The following EHD4 variants were observed in gnomAD, a reference collection of about 807,000 sequenced individuals.
EHD4 encodes EH domain-containing protein 4.
In EHD4, 37 loss-of-function variants were observed where a neutral mutation model predicts 51.0. The ratio of observed to expected loss-of-function variants is 0.73; its 90% CI spans 0.56 to 0.95. The LOEUF is 0.95. Ranked by LOEUF, EHD4 falls within the 40% of genes least tolerant of loss-of-function variation. EHD4 has a pLI of 0.00. For missense variants in EHD4, 632 were observed against 733.1 expected (o/e 0.86, Z 1.59); for synonymous variants, 297 against 317.3 (o/e 0.94, Z 0.68).
chr15:41,906,941 C>T (rs1454959598), intron 5 of EHD4, among the ~76,000 whole-genome samples: 1 of 152,196 alleles, frequency 6.6e-6, no homozygotes, highest in Non-Finnish European at 1.5e-5. Flanking sequence ...CTCCTTGTAC[C>T]CTCCATCTCA....
chr15:41,953,676 T>C, intron 2 of EHD4, 88 bp downstream of exon 2: 1 of 1,388,760 alleles, frequency 7.2e-7, no homozygotes. Flanking sequence ...TTTGTTCTTC[T>C]GTTTTTGAAC....
At chr15:41,949,424 G>T (rs2067838924) in intron 2 of EHD4, among the ~76,000 whole-genome samples, 1 of 152,044 alleles carries the variant, frequency 6.6e-6, no homozygotes. Flanking sequence ...ACTGAGTGAA[G>T]CCTCGCTTAA....
chr15:41,966,221 C>G (rs184146297), intron 1 of EHD4, among the ~76,000 whole-genome samples: 8 of 152,172 alleles, frequency 5.3e-5, no homozygotes, highest in African/African-American at 1.9e-4. Flanking sequence ...CCTCAACCCG[C>G]GCCATCTGGC....
chr15:41,936,690 G>A (rs1251021100), intron 3 of EHD4, among the ~76,000 whole-genome samples: 1 of 152,150 alleles, frequency 6.6e-6, no homozygotes, highest in African/African-American at 2.4e-5. Flanking sequence ...AATCAATAAT[G>A]CATTTGATGT....
chr15:41,902,241 CTCCA>C (rs56023420), intron 5 of EHD4, among the ~76,000 whole-genome samples: 40,281 of 146,130 alleles, frequency 0.28, 6,060 homozygotes, highest in Middle Eastern at 0.44. Context: ...TCCTTGGTTA[CTCCA>C]TCCATCCATC....
At chr15:41,943,037 T>C in intron 3 of EHD4, 30 bp downstream of exon 3, 1 of 1,531,954 alleles carries the variant, frequency 6.5e-7, no homozygotes, top group Non-Finnish European at 8.9e-7. Context: ...AGCCAGCACT[T>C]GGTGGGGAGG....
chr15:41,954,919 C>T (rs928900283), intron 1 of EHD4, among the ~76,000 whole-genome samples: 35 of 152,338 alleles, frequency 2.3e-4, no homozygotes, highest in Admixed American at 7.2e-4. Context: ...CATGAGCCAC[C>T]GCAACTGGCC....
chr15:41,963,865 G>T (rs2067943631), intron 1 of EHD4, among the ~76,000 whole-genome samples: 1 of 151,996 alleles, frequency 6.6e-6, no homozygotes, highest in African/African-American at 2.4e-5. Flanking sequence ...CAAGACCAGG[G>T]CCAGGCTCGG....
chr15:41,922,247 G>A (rs1215797843), intron 3 of EHD4, among the ~76,000 whole-genome samples: 1 of 152,030 alleles, frequency 6.6e-6, no homozygotes, highest in Non-Finnish European at 1.5e-5. Flanking sequence ...AAATTAACTG[G>A]GTGTGGTGGC....
At chr15:41,956,470 T>G (rs558267351) in intron 1 of EHD4, among the ~76,000 whole-genome samples, 2 of 152,352 alleles carry the variant, frequency 1.3e-5, no homozygotes, top group East Asian at 3.9e-4. Flanking sequence ...TTCTGATGTT[T>G]CATTCCTGTA....
At chr15:41,902,511 A>T (rs975197611) in intron 5 of EHD4, among the ~76,000 whole-genome samples, 1 of 152,186 alleles carries the variant, frequency 6.6e-6, no homozygotes, top group Non-Finnish European at 1.5e-5. Context: ...GTTGTAATGG[A>T]GGAAGGATAC....
intron 1 of EHD4, among the ~76,000 whole-genome samples, chr15:41,960,863 G>T (rs1170582640): frequency 6.6e-6 from 1 of 151,984 alleles, no homozygotes; most frequent in Admixed American, 6.6e-5. Context: ...AGTAGAGACG[G>T]GGTTTTACCA....
chr15:41,971,606 T>C (rs1401636025), intron 1 of EHD4, among the ~76,000 whole-genome samples: 1 of 152,102 alleles, frequency 6.6e-6, no homozygotes, highest in Non-Finnish European at 1.5e-5. Flanking sequence ...ACCTAAGAAA[T>C]GGAAACTAAC....
At chr15:41,907,274 G>T (rs2067518997) in intron 5 of EHD4, among the ~76,000 whole-genome samples, 1 of 152,190 alleles carries the variant, frequency 6.6e-6, no homozygotes. Context: ...TTTCATTTAG[G>T]TCAAGAAACC....
intron 1 of EHD4, among the ~76,000 whole-genome samples, chr15:41,966,087 C>G (rs1303304439): frequency 6.6e-6 from 1 of 152,004 alleles, no homozygotes; most frequent in Non-Finnish European, 1.5e-5. Context: ...GGCTTCCCTT[C>G]TGTCCACTTT....
Position 41,919,281 on chromosome 15 carries a change from T to A in EHD4, c.853A>T (p.Ile285Phe). The A allele has an allele frequency of 6.2e-7, 1 of 1,614,162 alleles. No homozygotes were observed. The highest frequency in any genetic ancestry group is 8.5e-7 in the Non-Finnish European group (1 of 1,180,030). Residue 285 changes from isoleucine to phenylalanine, a missense_variant, in exon 4 of 6, where the codon ATC becomes TTC. Transcript: ENST00000220325. ...EAEAQDLFRD[I>F]QSLPQKAAVR... The stretch of plus-strand genomic sequence containing the variant: ...GCTGCCTTCTGGGGGAGGCTCTGGA[T>A]GTCTCTAAAGAGGTCCTGGGCCTCA...
At chr15:41,914,832 C>T (rs1358955409) in intron 4 of EHD4, among the ~76,000 whole-genome samples, 5 of 145,936 alleles carry the variant, frequency 3.4e-5, no homozygotes, top group African/African-American at 1.3e-4. Context: ...GTCGCCCAGG[C>T]TGGAGTGCAG....
intron 1 of EHD4, among the ~76,000 whole-genome samples, chr15:41,966,709 A>G (rs995512454): frequency 1.3e-5 from 2 of 152,196 alleles, no homozygotes; most frequent in African/African-American, 4.8e-5. Flanking sequence ...TCCTGGGCCA[A>G]GCCTGAAGCT....
intron 1 of EHD4, among the ~76,000 whole-genome samples, chr15:41,954,252 G>A (rs1309798284): frequency 3.3e-5 from 5 of 152,142 alleles, no homozygotes; most frequent in African/African-American, 9.7e-5. Context: ...TGCTGCCAGC[G>A]TGGTGCTCAG....
Sources: allele counts gnomAD v4.1 joint callset (sites outside exome capture counted in the v4.1 genomes callset), GRCh38; gene constraint gnomAD v4.1.1; transcripts MANE v1.5; gene names NCBI Gene and HGNC (gene_info 2026-07-23, HGNC 2026-07-21).